COL21A1: variants seen among roughly 807,000 people sequenced by gnomAD.
COL21A1 encodes collagen type XXI alpha 1 chain, also known as collagen alpha-1(XXI) chain.
Under a neutral mutation model 137.9 loss-of-function variants are expected in COL21A1, and 149 were observed. The ratio of observed to expected loss-of-function variants is 1.08; its 90% CI spans 0.95 to 1.24. The LOEUF (loss-of-function observed/expected upper bound fraction) is 1.24. Among genes scored for constraint, COL21A1 ranks in the 50% most tolerant of loss-of-function variants. The probability of loss-of-function intolerance (pLI) is 0.00; values close to 1 mark genes in which losing one functional copy is unlikely to be tolerated. For missense variants in COL21A1, 1,167 were observed against 1,158.4 expected (o/e 1.01, Z -0.11); for synonymous variants, 456 against 391.5 (o/e 1.16, Z -1.95).
chr6:56,321,960 A>G (rs912535854), intron 1 of COL21A1, among the ~76,000 whole-genome samples: 4 of 152,142 alleles, frequency 2.6e-5, no homozygotes, highest in African/African-American at 9.7e-5. Flanking sequence ...CTCTTATTCT[A>G]TGCAACAACA....
At chr6:56,168,425 C>T in intron 5 of COL21A1, 128 bp from the exon 6 acceptor site, 2 of 637,620 alleles carry the variant, frequency 3.1e-6, no homozygotes, top group Non-Finnish European at 4.7e-6. Flanking sequence ...CTGTATTATA[C>T]ATTAATTCAC....
intron 1 of COL21A1, among the ~76,000 whole-genome samples, chr6:56,311,484 G>C (rs1026178293): frequency 6.6e-6 from 1 of 152,158 alleles, no homozygotes; most frequent in Non-Finnish European, 1.5e-5. Context: ...ATTTTTATGA[G>C]GGGGTTGCAC....
At chr6:56,165,907 T>TACACACACACACACATACAC (rs1561936747) in intron 7 of COL21A1, among the ~76,000 whole-genome samples, 1 of 105,714 alleles carries the variant, frequency 9.5e-6, no homozygotes, top group Non-Finnish European at 2.0e-5. Flanking sequence ...GGGGATTGAT[T>TACACACACACACACATACAC]ACACACACAC....
rs377576893 is a variant in COL21A1, at chr6:56,067,275, A to G, written c.2127+20T>C. 1.2e-4 allele frequency: 185 copies of G among 1,600,912 alleles called. 1 individual carries two copies. The Middle Eastern group carries it at 1.5e-3, about 13-fold the overall frequency. On this transcript the variant is annotated intron_variant, in intron 23 of 29. Transcript: ENST00000244728. ...TCTGATTTTATTGCTCAGCCTACTAAAAAAAAGCAAACAACATACCTGAAT... is the reference window on the plus strand; with the variant it reads ...TCTGATTTTATTGCTCAGCCTACTAGAAAAAAGCAAACAACATACCTGAAT...
intron 17 of COL21A1, among the ~76,000 whole-genome samples, chr6:56,098,668 TATATATATAAATATATATAA>T (rs1562194079): frequency 2.0e-5 from 1 of 48,968 alleles, no homozygotes; most frequent in African/African-American, 1.0e-4. Flanking sequence ...TATATATAAA[TATATATATAAATATATATAA>T]ATATATAAAT....
At chr6:56,123,384 T>G (rs76112431) in intron 16 of COL21A1, among the ~76,000 whole-genome samples, 22,809 of 152,116 alleles carry the variant, frequency 0.15, 1,759 homozygotes, top group Middle Eastern at 0.22. Flanking sequence ...AAATGAATAA[T>G]TTTTCCTTTG....
At chr6:56,131,827 G>A (rs1341945406) in intron 12 of COL21A1, among the ~76,000 whole-genome samples, 1 of 151,978 alleles carries the variant, frequency 6.6e-6, no homozygotes, top group Non-Finnish European at 1.5e-5. Flanking sequence ...AATACCACAG[G>A]AACCACCAAC....
intron 1 of COL21A1, among the ~76,000 whole-genome samples, chr6:56,303,544 G>C: frequency 6.6e-6 from 1 of 152,170 alleles, no homozygotes; most frequent in African/African-American, 2.4e-5. Context: ...TCTGTTATGG[G>C]TGTATAAGAA....
At chr6:56,106,132 G>A (rs576759886) in intron 16 of COL21A1, among the ~76,000 whole-genome samples, 1 of 152,240 alleles carries the variant, frequency 6.6e-6, no homozygotes, top group East Asian at 1.9e-4. Flanking sequence ...CATTTTTCAT[G>A]TATATAGAAA....
At chr6:56,116,755 C>T (rs2152199132) in intron 16 of COL21A1, among the ~76,000 whole-genome samples, 1 of 151,894 alleles carries the variant, frequency 6.6e-6, no homozygotes, top group East Asian at 1.9e-4. Flanking sequence ...CTTTAAAAAA[C>T]ATAATCAGTA....
intron 17 of COL21A1, among the ~76,000 whole-genome samples, chr6:56,081,683 CA>C (rs1352995078): frequency 6.6e-6 from 1 of 151,700 alleles, no homozygotes; most frequent in Non-Finnish European, 1.5e-5. Flanking sequence ...CAAGTACTTG[CA>C]ATAAACCCTT....
chr6:56,119,007 G>T (rs1166047584), intron 16 of COL21A1, among the ~76,000 whole-genome samples: 1 of 151,964 alleles, frequency 6.6e-6, no homozygotes, highest in East Asian at 1.9e-4. Flanking sequence ...AGCCTTTCCT[G>T]TAAGATCTGA....
intron 1 of COL21A1, among the ~76,000 whole-genome samples, chr6:56,392,122 A>G (rs2094030794): frequency 6.6e-6 from 1 of 152,128 alleles, no homozygotes; most frequent in Non-Finnish European, 1.5e-5. Flanking sequence ...ACAAAATTCA[A>G]CAACACATTA....
intron 1 of COL21A1, among the ~76,000 whole-genome samples, chr6:56,348,676 G>C (rs1582797805): frequency 6.6e-6 from 1 of 152,162 alleles, no homozygotes; most frequent in South Asian, 2.1e-4. Flanking sequence ...GGTCCAAAAG[G>C]TGAGGGGAGG....
At chr6:56,276,900 C>T (rs368406171) in intron 1 of COL21A1, 1 of 466,548 alleles carries the variant, frequency 2.1e-6, no homozygotes, top group Non-Finnish European at 3.9e-6. Flanking sequence ...CTCTGCCTCC[C>T]GGGTTCACGC....
At chr6:56,171,238 A>C in intron 3 of COL21A1, 110 bp from the exon 4 acceptor site, 1 of 626,410 alleles carries the variant, frequency 1.6e-6, no homozygotes, top group Non-Finnish European at 2.6e-6. Flanking sequence ...TAGAATTATA[A>C]AATCTACATA....
chr6:56,079,079 T>G (rs1369136875), intron 17 of COL21A1, among the ~76,000 whole-genome samples: 10 of 151,690 alleles, frequency 6.6e-5, no homozygotes, highest in Admixed American at 4.6e-4. Context: ...GGGCCTCCAT[T>G]TGAATGAACC....
At chr6:56,266,558 C>T (rs781621993) in intron 1 of COL21A1, among the ~76,000 whole-genome samples, 1 of 152,196 alleles carries the variant, frequency 6.6e-6, no homozygotes, top group Non-Finnish European at 1.5e-5. Context: ...TTACTGACTC[C>T]TGCTAGATGC....
rs1562193181 is a variant in COL21A1, at chr6:56,098,568, T to TATATAAATATATAA, written c.1812+2903_1812+2904insTTATATATTTATAT. On this transcript the variant is annotated intron_variant, in intron 17 of 29. Transcript: ENST00000244728. ...ATATAAATATATATAAATATATAAATATATATAAATATATATAAATATATA... is the reference window on the plus strand; with the variant it reads ...ATATAAATATATATAAATATATAAATATATAAATATATAAATATATAAATATATATAAATATATA... 9.5e-4 allele frequency among the ~76,000 whole-genome samples: 14 copies of TATATAAATATATAA among 14,678 alleles called. 3 individuals are homozygous for TATATAAATATATAA. Among genetic ancestry groups the TATATAAATATATAA allele is most frequent in the African/African-American group, 4.3e-3 (14 of 3,290 alleles). 9.6% of individuals were successfully genotyped at this position (14,678 alleles called of 152,430 possible).
Sources: allele counts gnomAD v4.1 joint callset (sites outside exome capture counted in the v4.1 genomes callset), GRCh38; gene constraint gnomAD v4.1.1; transcripts MANE v1.5; gene names NCBI Gene and HGNC (gene_info 2026-07-23, HGNC 2026-07-21).